The following SLC9A9 variants were observed in gnomAD, a reference collection of about 807,000 sequenced individuals.
SLC9A9 encodes solute carrier family 9 member A9.
In SLC9A9, 62 loss-of-function variants were observed where a neutral mutation model predicts 77.8. The ratio of observed to expected loss-of-function variants is 0.80; its 90% CI spans 0.65 to 0.98. The LOEUF (loss-of-function observed/expected upper bound fraction) is 0.98. SLC9A9 is among the 50% of genes least tolerant of loss of function. The pLI, the probability that SLC9A9 is intolerant of heterozygous loss-of-function variation, is 0.00. For synonymous variants in SLC9A9, 320 were observed against 283.5 expected, an observed-to-expected ratio of 1.13 and a Z score of -1.29; for missense variants, 775 against 774.9, an observed-to-expected ratio of 1.00 and a Z score of 0.00.
intron 1 of SLC9A9, among the ~76,000 whole-genome samples, chr3:143,834,851 T>G (rs2361204): frequency 0.77 from 116,787 of 152,004 alleles, 51,357 homozygotes; most frequent in South Asian, 0.96. Context: ...AGATGTAATA[T>G]CCATGAAAAT....
In SLC9A9 at chr3:143,530,611, C is replaced by T. The variant is rs575593430; in HGVS notation, c.1089+21751G>A. Among the ~76,000 whole-genome samples, 23 of 152,118 alleles carry T rather than the reference C, an allele frequency of 1.5e-4. No homozygotes were observed. In the South Asian group the frequency reaches 4.6e-3, roughly 30 times the overall value. ...TTGACCAAATGGAAAAGTGTGCATG[C>T]ATTATCTCAAGTCCATCAGAAATCT... On this transcript the variant is annotated intron_variant, in intron 9 of 15. Coordinates refer to ENST00000316549, the MANE Select transcript of SLC9A9 (RefSeq NM_173653.4).
At chr3:143,334,341 A>G (rs1181584714) in intron 14 of SLC9A9, among the ~76,000 whole-genome samples, 1 of 152,262 alleles carries the variant, frequency 6.6e-6, no homozygotes, top group African/African-American at 2.4e-5. Context: ...TTAGATTTCA[A>G]GAAAGAGCAT....
At chr3:143,762,406 G>A (rs2007163888) in intron 4 of SLC9A9, among the ~76,000 whole-genome samples, 1 of 152,062 alleles carries the variant, frequency 6.6e-6, no homozygotes, top group Non-Finnish European at 1.5e-5. Context: ...TTGTAGAATG[G>A]TATTTGGGTT....
At chr3:143,732,233 C>G (rs1450573311) in intron 4 of SLC9A9, among the ~76,000 whole-genome samples, 2 of 152,196 alleles carry the variant, frequency 1.3e-5, no homozygotes, top group Non-Finnish European at 2.9e-5. Context: ...TTTGCATTGT[C>G]TGAAATTTAG....
intron 8 of SLC9A9, among the ~76,000 whole-genome samples, chr3:143,571,708 C>T (rs1483121122): frequency 6.6e-6 from 1 of 152,152 alleles, no homozygotes. Context: ...AAGCTCAGAG[C>T]TATATTTATT....
chr3:143,627,058 C>T (rs912320757), intron 6 of SLC9A9: 4 of 151,906 alleles, frequency 2.6e-5, no homozygotes, highest in East Asian at 3.9e-4. Context: ...TTTTTAGTAG[C>T]GATTGGGTTT....
At chr3:143,385,079 TATA>T (rs2033393447) in intron 12 of SLC9A9, among the ~76,000 whole-genome samples, 1 of 152,184 alleles carries the variant, frequency 6.6e-6, no homozygotes, top group Admixed American at 6.5e-5. Context: ...CTTGCTTCTT[TATA>T]ATGATTTCCA....
intron 4 of SLC9A9, among the ~76,000 whole-genome samples, chr3:143,743,706 G>A (rs1242768784): frequency 2.0e-5 from 3 of 152,180 alleles, no homozygotes; most frequent in African/African-American, 7.2e-5. Context: ...CACCCTCACA[G>A]ACAAGCCCTA....
At chr3:143,793,428 A>C (rs1037342348) in intron 4 of SLC9A9, among the ~76,000 whole-genome samples, 1 of 152,236 alleles carries the variant, frequency 6.6e-6, no homozygotes, top group East Asian at 1.9e-4. Flanking sequence ...TTACTATTCT[A>C]TAATTTGGCA....
chr3:143,525,738 AG>A (rs2036392956), intron 9 of SLC9A9, among the ~76,000 whole-genome samples: 3 of 152,224 alleles, frequency 2.0e-5, no homozygotes, highest in Admixed American at 6.5e-5. Flanking sequence ...ATGCGTAAAC[AG>A]GAAAGAATGA....
At chr3:143,385,723 T>C (rs902686662) in intron 12 of SLC9A9, among the ~76,000 whole-genome samples, 2 of 152,200 alleles carry the variant, frequency 1.3e-5, no homozygotes, top group Non-Finnish European at 2.9e-5. Flanking sequence ...GTTACATGTA[T>C]ATAGCAGCCC....
chr3:143,502,825 A>C (rs1217534264), intron 9 of SLC9A9, among the ~76,000 whole-genome samples: 1 of 152,210 alleles, frequency 6.6e-6, no homozygotes, highest in Non-Finnish European at 1.5e-5. Context: ...TCTCAGAATT[A>C]ATCTTGGCTT....
intron 4 of SLC9A9, among the ~76,000 whole-genome samples, chr3:143,747,409 A>AC (rs1261078332): frequency 2.5e-3 from 383 of 151,612 alleles, no homozygotes; most frequent in African/African-American, 8.9e-3. Flanking sequence ...CATCTCAAAA[A>AC]AAAAAAAAAA....
At chr3:143,749,626 G>C (rs953024949) in intron 4 of SLC9A9, among the ~76,000 whole-genome samples, 4 of 152,216 alleles carry the variant, frequency 2.6e-5, no homozygotes, top group African/African-American at 9.6e-5. Context: ...GTTAACGCTA[G>C]AGTTGCGGAG....
intron 4 of SLC9A9, among the ~76,000 whole-genome samples, chr3:143,745,465 A>C (rs1045224974): frequency 2.6e-5 from 4 of 152,192 alleles, no homozygotes; most frequent in African/African-American, 9.6e-5. Context: ...TCATAATTCT[A>C]GCTCAGCCTA....
intron 6 of SLC9A9, among the ~76,000 whole-genome samples, chr3:143,634,035 C>T (rs2108729886): frequency 6.6e-6 from 1 of 152,278 alleles, no homozygotes; most frequent in East Asian, 1.9e-4. Flanking sequence ...CATGTGCTGC[C>T]TTTCCATCTT....
intron 9 of SLC9A9, chr3:143,517,632 C>A: frequency 1.3e-6 from 2 of 1,597,396 alleles, no homozygotes; most frequent in Non-Finnish European, 1.7e-6. Flanking sequence ...TGGGCTGCTT[C>A]TTCCTACTGG....
chr3:143,448,027 G>A (rs67392581), intron 12 of SLC9A9, among the ~76,000 whole-genome samples: 40,246 of 152,028 alleles, frequency 0.26, 5,486 homozygotes, highest in East Asian at 0.47. Flanking sequence ...ATGGAGGATG[G>A]CATTTTCAAA....
At chr3:143,447,625 C>A (rs77669916) in intron 12 of SLC9A9, among the ~76,000 whole-genome samples, 2 of 152,122 alleles carry the variant, frequency 1.3e-5, no homozygotes, top group South Asian at 2.1e-4. Flanking sequence ...TCCAATACTA[C>A]GGAAAACCCT....
Sources: gnomAD v4.1 joint callset for allele counts (sites outside exome capture counted in the v4.1 genomes callset) on GRCh38, gnomAD v4.1.1 for gene constraint, MANE v1.5 for transcripts, NCBI Gene and HGNC (gene_info 2026-07-23, HGNC 2026-07-21) for gene names.